The following CR1 variants were observed in gnomAD, a reference collection of about 807,000 sequenced individuals.
CR1 encodes the protein complement C3b/C4b receptor 1 (Knops blood group), also known as complement receptor type 1.
A neutral mutation model predicts 187.3 loss-of-function variants in CR1; 116 were observed. The observed-to-expected ratio is 0.62, with a 90% CI of 0.53 to 0.72. The LOEUF is 0.72. CR1 is among the 30% of genes least tolerant of loss of function. The pLI is 0.00. For synonymous variants in CR1, 576 were observed against 747.1 expected, an observed-to-expected ratio of 0.77 and a Z score of 3.73; for missense variants, 1,731 against 2,110.7, an observed-to-expected ratio of 0.82 and a Z score of 3.52.
chr1:207,621,887 C>T (rs1302443815), intron 43 of CR1, 86 bp from the exon 44 acceptor site: 8 of 1,110,452 alleles, frequency 7.2e-6, no homozygotes, highest in African/African-American at 1.6e-5. Flanking sequence ...GAAGAAAAAT[C>T]AGGATGACTT....
chr1:207,500,471 A>T (rs2102330339), intron 1 of CR1, among the ~76,000 whole-genome samples: 1 of 152,326 alleles, frequency 6.6e-6, no homozygotes, highest in Middle Eastern at 3.4e-3. Context: ...TGATGTGTTA[A>T]TTGTGCATAT....
At chr1:207,545,277 A>AAGGG (rs1472073467) in intron 13 of CR1, 31 bp from the exon 14 acceptor site, 1 of 792,990 alleles carries the variant, frequency 1.3e-6, no homozygotes, top group African/African-American at 1.6e-5. Flanking sequence ...GTTTTCACAC[A>AAGGG]ATTAGCTGTA....
At chr1:207,574,510 G>C (rs1571545694) in intron 27 of CR1, among the ~76,000 whole-genome samples, 1 of 152,018 alleles carries the variant, frequency 6.6e-6, no homozygotes. Flanking sequence ...AAAGGAGAAT[G>C]ATGAATTCCA....
Position 207,523,627 on chromosome 1 carries a change from A to G in CR1, c.504A>G (p.Leu168=). The G allele has an allele frequency of 1.2e-6, 2 of 1,613,830 alleles. No individual in the cohort carries two copies. The highest frequency in any genetic ancestry group is 1.7e-6 in the Non-Finnish European group (2 of 1,179,868). Residue 168 remains leucine (L), a synonymous_variant, in exon 5 of 47, where the codon CTA becomes CTG. Transcript: ENST00000367049. ...TPICDRIPCG[L]PPTITNGDFI... is the part of the protein sequence containing the mutation. ...TTTTTCCAGGAATTCCTTGTGGGCT[A>G]CCCCCCACCATCACCAATGGAGATT...
intron 39 of CR1, among the ~76,000 whole-genome samples, chr1:207,613,012 C>T (rs190164735): frequency 1.1e-3 from 163 of 152,296 alleles, no homozygotes; most frequent in Admixed American, 2.2e-3. Context: ...TGGCTTGATC[C>T]GCTGCTGCTT....
At chr1:207,519,863 A>C (rs1282259587) in intron 4 of CR1, among the ~76,000 whole-genome samples, 1 of 152,160 alleles carries the variant, frequency 6.6e-6, no homozygotes, top group East Asian at 1.9e-4. Flanking sequence ...AAAACAGTTC[A>C]AACAGTTGGC....
At chr1:207,552,624 GT>G in intron 18 of CR1, 127 bp from the exon 19 acceptor site, 4 of 1,200,020 alleles carry the variant, frequency 3.3e-6, no homozygotes, top group Non-Finnish European at 4.8e-6. Flanking sequence ...TTTTCTCAAG[GT>G]GCCAAAATCT....
At chr1:207,590,316 A>G (rs1490903323) in intron 35 of CR1, among the ~76,000 whole-genome samples, 1 of 152,226 alleles carries the variant, frequency 6.6e-6, no homozygotes, top group Non-Finnish European at 1.5e-5. Context: ...CAACATTCTT[A>G]AAGAAAAGAA....
chr1:207,575,610 T>A lies in CR1; in HGVS notation c.4467T>A (p.Gly1489=). The A allele has an allele frequency of 6.2e-7, 1 of 1,611,838 alleles. No individual in the cohort carries two copies. The highest frequency in any genetic ancestry group is 8.5e-7 in the Non-Finnish European group (1 of 1,179,708). The change falls in exon 28 of 47, where the codon GGT becomes GGA. Residue 1489 remains glycine (G), a synonymous_variant. Coordinates refer to ENST00000367049, the MANE Select transcript of CR1 (RefSeq NM_000651.6). The stretch of plus-strand genomic sequence containing the variant: ...TTGCCTTTAGGCACCGACTCATTGG[T>A]CACTCATCTGCTGAATGTATCCTCT... ...YSCTTGHRLI[G]HSSAECILSG... is the part of the protein sequence containing the mutation.
Position 207,607,616 on chromosome 1 carries a change from G to A in CR1, c.5896+280G>A, listed in dbSNP as rs370632376. On this transcript the variant is annotated intron_variant, in intron 36 of 46. Transcript: ENST00000367049. Reference sequence around the variant, plus strand: ...TCCTTAATGAGTACATTTTAAAGGCGTTAGACAAAATTAGATCTGTCTTTG... The same window carrying A: ...TCCTTAATGAGTACATTTTAAAGGCATTAGACAAAATTAGATCTGTCTTTG... 5.8e-4 allele frequency among the ~76,000 whole-genome samples: 89 copies of A among 152,164 alleles called. 3 individuals carry two copies. The South Asian group carries it at 0.018, about 30-fold the overall frequency.
chr1:207,612,597 A>G (rs1661967123), intron 39 of CR1, among the ~76,000 whole-genome samples: 1 of 152,244 alleles, frequency 6.6e-6, no homozygotes, highest in Non-Finnish European at 1.5e-5. Flanking sequence ...GCCCCTGCCC[A>G]GGCCTTGCTT....
In CR1 at chr1:207,584,852, C is replaced by A. The variant is rs762859978; in HGVS notation, c.5506C>A (p.Arg1836Ser). ...TGGGGTTTGGAGCAGCCCTGCCCCTCGCTGTGAACTTTCTGTTCGTGCTGG... is the reference window on the plus strand; with the variant it reads ...TGGGGTTTGGAGCAGCCCTGCCCCTAGCTGTGAACTTTCTGTTCGTGCTGG... ...GNGVWSSPAP[R>S]CELSVRAGHC... Residue 1836 changes from arginine (R) to serine (S), a missense_variant, in exon 33 of 47, where the codon CGC (arginine) becomes AGC (serine). Arg to Ser is a moderately radical substitution (Grantham distance 110). This residue lies in a region of CR1 where 1,312 missense variants were observed against 1,379.6 expected (regional missense o/e 0.95). Transcript: ENST00000367049. The A allele has an allele frequency of 6.2e-7, 1 of 1,613,918 alleles. No individual in the cohort carries two copies. Among genetic ancestry groups the A allele is most frequent in the Non-Finnish European group, 8.5e-7 (1 of 1,179,838 alleles).
Position 207,584,743 on chromosome 1 carries a change from A to C in CR1, c.5397A>C (p.Thr1799=). ...CCTATGGAAAAGAAATATCTTACAC[A>C]TGTGACCCCCACCCAGACAGAGGGA... The part of the protein sequence containing the change: ...DIPYGKEISY[T]CDPHPDRGMT... Residue 1799 remains threonine (T), a synonymous_variant, in exon 33 of 47, where the codon ACA becomes ACC. Transcript: ENST00000367049. 6.2e-7 allele frequency: 1 copy of C among 1,613,856 alleles called. No homozygotes were observed. The highest frequency in any genetic ancestry group is 8.5e-7 in the Non-Finnish European group (1 of 1,179,804).
At chr1:207,628,118 G>A (rs1182936666) in intron 45 of CR1, among the ~76,000 whole-genome samples, 2 of 152,094 alleles carry the variant, frequency 1.3e-5, no homozygotes, top group Non-Finnish European at 2.9e-5. Context: ...ATGCTTAAAC[G>A]ATATCACACT....
chr1:207,512,520 A>T (rs1056661068), intron 4 of CR1, among the ~76,000 whole-genome samples: 2 of 152,228 alleles, frequency 1.3e-5, no homozygotes, highest in South Asian at 4.1e-4. Context: ...TGAGAGAAAT[A>T]CAGTGTATAA....
chr1:207,606,341 G>A (rs1201750244), intron 35 of CR1: 1 of 152,212 alleles, frequency 6.6e-6, no homozygotes, highest in African/African-American at 2.4e-5. Flanking sequence ...AACCTTTATT[G>A]CAGGTGGCCA....
intron 46 of CR1, 142 bp from the exon 47 acceptor site, chr1:207,639,255 G>A: frequency 7.4e-6 from 5 of 673,802 alleles, no homozygotes; most frequent in Non-Finnish European, 1.3e-5. Context: ...CCCTCCAAAT[G>A]TTCTAACTTG....
chr1:207,567,718 A>G, intron 24 of CR1, 106 bp from the exon 25 acceptor site: 1 of 1,419,704 alleles, frequency 7.0e-7, no homozygotes, highest in Non-Finnish European at 9.7e-7. Flanking sequence ...GTCTACTGTC[A>G]TCTCCTTAGC....
At chr1:207,606,776 A>T (rs1334923000) in intron 35 of CR1, among the ~76,000 whole-genome samples, 2 of 152,066 alleles carry the variant, frequency 1.3e-5, no homozygotes, top group Non-Finnish European at 2.9e-5. Flanking sequence ...TCTGGCTCTC[A>T]TTTACTGACT....
Sources: gnomAD v4.1 joint callset for allele counts (sites outside exome capture counted in the v4.1 genomes callset) on GRCh38, gnomAD v4.1.1 for gene constraint, gnomAD v4.1.1 regional missense constraint, MANE v1.5 for transcripts, NCBI Gene and HGNC (gene_info 2026-07-23, HGNC 2026-07-21) for gene names.